The following KCNT2 variants were observed in gnomAD, a reference collection of about 807,000 sequenced individuals.
The protein encoded by KCNT2 is potassium sodium-activated channel subfamily T member 2.
In KCNT2, 67 loss-of-function variants were observed where a neutral mutation model predicts 153.8. The ratio of observed to expected loss-of-function variants is 0.44; its 90% CI spans 0.36 to 0.53. The LOEUF is 0.53. Among genes scored for constraint, KCNT2 ranks in the 20% least tolerant of loss-of-function variants. The probability of loss-of-function intolerance (pLI) is 0.00; values close to 1 mark genes in which losing one functional copy is unlikely to be tolerated. For missense variants in KCNT2, 975 were observed against 1,354.8 expected (o/e 0.72, Z 4.40); for synonymous variants, 500 against 458.8 (o/e 1.09, Z -1.15).
At chr1:196,366,429 G>T (rs1424919560) in intron 14 of KCNT2, among the ~76,000 whole-genome samples, 2 of 152,202 alleles carry the variant, frequency 1.3e-5, no homozygotes, top group East Asian at 3.9e-4. Context: ...AAAGTGCTGG[G>T]ATTACAGGCG....
chr1:196,293,337 A>T (rs1660371092), intron 22 of KCNT2, among the ~76,000 whole-genome samples: 1 of 152,156 alleles, frequency 6.6e-6, no homozygotes, highest in African/African-American at 2.4e-5. Context: ...AGAAAAAAAC[A>T]AAACAAAACA....
chr1:196,492,400 T>C lies in KCNT2; in HGVS notation c.96-59A>G, dbSNP rs1013913104. The stretch of plus-strand genomic sequence containing the variant: ...GCAAGCAACCATATCTTTATTTTCA[T>C]GAAGATCAACAAATATAAATTGATC... On this transcript the variant is annotated intron_variant, in intron 1 of 27. Transcript: ENST00000294725. 16 of 1,149,774 alleles carry C rather than the reference T, an allele frequency of 1.4e-5. No individual in the cohort carries two copies. In the African/African-American group the frequency reaches 1.6e-4, roughly 12 times the overall value. The allele number at this position is 1,149,774 out of a possible 1,614,324, so 71.2% of individuals were successfully genotyped here.
chr1:196,427,099 C>G (rs1351935261), intron 10 of KCNT2, among the ~76,000 whole-genome samples: 1 of 151,708 alleles, frequency 6.6e-6, no homozygotes, highest in African/African-American at 2.4e-5. Flanking sequence ...AAATGGATTT[C>G]CTTTATGAGT....
At chr1:196,261,908 T>C (rs920294088) in intron 25 of KCNT2, among the ~76,000 whole-genome samples, 1 of 151,870 alleles carries the variant, frequency 6.6e-6, no homozygotes, top group Non-Finnish European at 1.5e-5. Flanking sequence ...ATGAAATGCT[T>C]CTGGTAATAT....
intron 13 of KCNT2, among the ~76,000 whole-genome samples, chr1:196,373,746 A>G (rs1668719558): frequency 6.6e-6 from 1 of 151,938 alleles, no homozygotes; most frequent in Non-Finnish European, 1.5e-5. Context: ...ATATGTGCCT[A>G]GCATAGAAGA....
intron 14 of KCNT2, among the ~76,000 whole-genome samples, chr1:196,368,815 T>C (rs1381577648): frequency 6.6e-6 from 1 of 152,162 alleles, no homozygotes; most frequent in Non-Finnish European, 1.5e-5. Flanking sequence ...ACTGGCACGA[T>C]CCACCACCTC....
chr1:196,301,240 C>A (rs981045183), intron 22 of KCNT2, among the ~76,000 whole-genome samples: 1 of 152,072 alleles, frequency 6.6e-6, no homozygotes, highest in Admixed American at 6.5e-5. Context: ...CTATGTGTCC[C>A]CCCAAAATCA....
At chr1:196,344,323 T>C (rs187608775) in intron 14 of KCNT2, among the ~76,000 whole-genome samples, 1 of 152,248 alleles carries the variant, frequency 6.6e-6, no homozygotes, top group East Asian at 1.9e-4. Flanking sequence ...TACTAAACAA[T>C]AATGCTTTTA....
In KCNT2 at chr1:196,449,786, G is replaced by A. The variant is rs9659561; in HGVS notation, c.638+15507C>T. Among the ~76,000 whole-genome samples the A allele has an allele frequency of 5.5e-4, 84 of 151,376 alleles. 1 individual carries two copies. The highest frequency in any genetic ancestry group is 3.0e-4 in the Non-Finnish European group (20 of 67,740). On this transcript the variant is annotated intron_variant, in intron 8 of 27. Coordinates refer to ENST00000294725, the MANE Select transcript of KCNT2 (RefSeq NM_198503.5). ...AAAAATATCTGCACAATTTCAGGAG[G>A]TGGGTAATAGAAAAGGCACTAATAA...
chr1:196,504,460 A>ACATT (rs1431503693), intron 1 of KCNT2, among the ~76,000 whole-genome samples: 1 of 152,070 alleles, frequency 6.6e-6, no homozygotes, highest in Non-Finnish European at 1.5e-5. Flanking sequence ...TATATGTGCC[A>ACATT]CATTTTCTTA....
intron 1 of KCNT2, among the ~76,000 whole-genome samples, chr1:196,606,522 A>T (rs1665340370): frequency 6.6e-6 from 1 of 152,220 alleles, no homozygotes; most frequent in Non-Finnish European, 1.5e-5. Context: ...ACCATTCTGC[A>T]AAACTTTTTT....
chr1:196,477,529 T>C (rs995522164), intron 5 of KCNT2, among the ~76,000 whole-genome samples: 1 of 152,044 alleles, frequency 6.6e-6, no homozygotes, highest in Non-Finnish European at 1.5e-5. Flanking sequence ...GAAGCTGCAG[T>C]GAGCCATAAT....
In KCNT2 at chr1:196,564,143, C is replaced by A. The variant is rs570728044; in HGVS notation, c.95+44072G>T. ...CCACCAAAAAACTTCTGAAAGAACT[C>A]AGAACTAATAAAGGACTTCAGTGGA... On this transcript the variant is annotated intron_variant, in intron 1 of 27. Transcript: ENST00000294725. Among the ~76,000 whole-genome samples, 8 of 151,796 alleles carry A rather than the reference C, an allele frequency of 5.3e-5. No individual in the cohort carries two copies. In the South Asian group the frequency reaches 1.7e-3, roughly 32 times the overall value.
intron 27 of KCNT2, among the ~76,000 whole-genome samples, chr1:196,231,119 C>T (rs934892864): frequency 1.3e-5 from 2 of 151,602 alleles, no homozygotes; most frequent in Non-Finnish European, 2.9e-5. Context: ...GACTCTCTAC[C>T]GGCAAAAAAA....
chr1:196,423,764 G>A (rs1452195184), intron 11 of KCNT2, among the ~76,000 whole-genome samples: 1 of 151,370 alleles, frequency 6.6e-6, no homozygotes, highest in Non-Finnish European at 1.5e-5. Flanking sequence ...CTATGGGGAG[G>A]AAATATAAAA....
chr1:196,486,157 A>G (rs1178871528), intron 3 of KCNT2, among the ~76,000 whole-genome samples: 1 of 151,974 alleles, frequency 6.6e-6, no homozygotes, highest in Non-Finnish European at 1.5e-5. Flanking sequence ...CTGTGTATAG[A>G]GAGAATTTGT....
At chr1:196,390,383 T>C (rs1426907135) in intron 13 of KCNT2, among the ~76,000 whole-genome samples, 1 of 151,516 alleles carries the variant, frequency 6.6e-6, no homozygotes, top group African/African-American at 2.4e-5. Context: ...TGAAGATATA[T>C]GAAAAAGTGA....
At chr1:196,329,877 ATATG>A (rs1383546832) in intron 18 of KCNT2, among the ~76,000 whole-genome samples, 3 of 123,448 alleles carry the variant, frequency 2.4e-5, no homozygotes, top group African/African-American at 1.1e-4. Context: ...ATATACACTT[ATATG>A]TGTGTGTGTG....
At chr1:196,351,418 A>G (rs1377882708) in intron 14 of KCNT2, among the ~76,000 whole-genome samples, 1 of 152,114 alleles carries the variant, frequency 6.6e-6, no homozygotes, top group East Asian at 1.9e-4. Context: ...GAGGTCCTTC[A>G]CGTCCCTTGT....
Sources: gnomAD v4.1 joint callset for allele counts (sites outside exome capture counted in the v4.1 genomes callset) on GRCh38, gnomAD v4.1.1 for gene constraint, MANE v1.5 for transcripts, NCBI Gene and HGNC (gene_info 2026-07-23, HGNC 2026-07-21) for gene names.